Variants in C9 observed in about 807,000 individuals in gnomAD.
C9 encodes the protein complement component C9.
Under a neutral mutation model 65.4 loss-of-function variants are expected in C9, and 63 were observed. The observed-to-expected ratio is 0.96, with a 90% CI of 0.79 to 1.19. The LOEUF (loss-of-function observed/expected upper bound fraction) is 1.19. C9 is among the 50% of genes most tolerant of loss of function. C9 has a pLI of 0.00. For synonymous variants in C9, 229 were observed against 227.9 expected (o/e 1.00, Z -0.04); for missense variants, 744 against 670.1 (o/e 1.11, Z -1.22).
Position 39,315,945 on chromosome 5 carries a change from T to G in C9, c.700A>C (p.Asn234His). The change falls in exon 6 of 11, where the codon AAT becomes CAT. Residue 234 changes from asparagine to histidine, a missense_variant. By Grantham distance (68) the Asn-to-His change is moderately conservative. Transcript: ENST00000263408. Reference sequence around the variant, plus strand: ...TTTAGAGATATAGCTGCATTAAAATTTGATGTCTTCTCTTGGATGATACTT... The same window carrying G: ...TTTAGAGATATAGCTGCATTAAAATGTGATGTCTTCTCTTGGATGATACTT... ...FKSIIQEKTSNFNAAISLKFT... is the reference protein window; with the variant it reads ...FKSIIQEKTSHFNAAISLKFT... 6.2e-7 allele frequency: 1 copy of G among 1,610,566 alleles called. No homozygotes were observed. The highest frequency in any genetic ancestry group is 8.5e-7 in the Non-Finnish European group (1 of 1,177,072).
Position 39,297,310 on chromosome 5 carries a change from C to T in C9, c.1417-8359G>A, listed in dbSNP as rs192830566. 5.6e-3 allele frequency among the ~76,000 whole-genome samples: 852 copies of T among 151,090 alleles called. 1 individual carries two copies. The highest frequency in any genetic ancestry group is 0.014 in the Middle Eastern group (4 of 292). On this transcript the variant is annotated intron_variant, in intron 9 of 10. Coordinates refer to ENST00000263408, the MANE Select transcript of C9 (RefSeq NM_001737.5). The stretch of plus-strand genomic sequence containing the variant: ...ATATGTCAGTTTAAAAAAGAAATGT[C>T]GGAAATGAGCAAAAAGGAGACAAAG...
At chr5:39,347,266 GAA>G (rs1197187119) in intron 1 of C9, among the ~76,000 whole-genome samples, 1 of 152,166 alleles carries the variant, frequency 6.6e-6, no homozygotes, top group Non-Finnish European at 1.5e-5. Context: ...TGTATATTGA[GAA>G]AACTCCCTTG....
intron 1 of C9, among the ~76,000 whole-genome samples, chr5:39,360,338 AG>A (rs1754493546): frequency 6.6e-6 from 1 of 152,114 alleles, no homozygotes; most frequent in Non-Finnish European, 1.5e-5. Context: ...CAGATTAGAC[AG>A]CAGCTACTTG....
intron 6 of C9, among the ~76,000 whole-genome samples, chr5:39,315,280 G>A (rs1753550417): frequency 6.6e-6 from 1 of 151,926 alleles, no homozygotes; most frequent in African/African-American, 2.4e-5. Context: ...TTCAAAATCT[G>A]GTTCAAATAT....
intron 6 of C9, among the ~76,000 whole-genome samples, chr5:39,312,251 A>G (rs1753497564): frequency 6.6e-6 from 1 of 152,218 alleles, no homozygotes; most frequent in Non-Finnish European, 1.5e-5. Context: ...CATAATTATC[A>G]AAACTCATGA....
intron 4 of C9, 132 bp downstream of exon 4, chr5:39,341,014 A>G: frequency 3.8e-6 from 4 of 1,052,122 alleles, no homozygotes; most frequent in Non-Finnish European, 5.9e-6. Flanking sequence ...AGGTAGTTCA[A>G]AAATAATACA....
At chr5:39,321,555 G>A (rs2111909159) in intron 5 of C9, among the ~76,000 whole-genome samples, 1 of 152,006 alleles carries the variant, frequency 6.6e-6, no homozygotes, top group East Asian at 1.9e-4. Context: ...GAAAAAAATG[G>A]CAGTGGTAAG....
chr5:39,362,704 T>C (rs1028625263), intron 1 of C9, among the ~76,000 whole-genome samples: 1 of 152,216 alleles, frequency 6.6e-6, no homozygotes, highest in African/African-American at 2.4e-5. Context: ...GCCTGGGAAG[T>C]CTAGCTTCAG....
At position 39,311,169 on chromosome 5, in the gene C9, T is replaced by C. The variant is rs370429155; in HGVS notation, c.1079A>G (p.Tyr360Cys). 9 of 1,613,298 alleles carry C rather than the reference T, an allele frequency of 5.6e-6. No individual in the cohort carries two copies. Among genetic ancestry groups the C allele is most frequent in the Non-Finnish European group, 7.6e-6 (9 of 1,179,386 alleles). The change falls in exon 7 of 11, where the codon TAT becomes TGT. Residue 360 changes from tyrosine (Y) to cysteine (C), a missense_variant. Coordinates refer to ENST00000263408, the MANE Select transcript of C9 (RefSeq NM_001737.5). ...GSLGGLYELI[Y>C]VLDKASMKRK... ...CTTCATGGAAGCTTTATCCAAAACATATATTAGTTCATAGAGTCCTCCTAG... is the reference window on the plus strand; with the variant it reads ...CTTCATGGAAGCTTTATCCAAAACACATATTAGTTCATAGAGTCCTCCTAG...
At chr5:39,306,852 C>T (rs548092597) in intron 8 of C9, 60 bp from the exon 9 acceptor site, 2 of 1,164,656 alleles carry the variant, frequency 1.7e-6, no homozygotes, top group South Asian at 2.5e-5. Context: ...AGCCAGTTAT[C>T]AAAAGGACAT....
chr5:39,339,248 C>T (rs144824593), intron 4 of C9, among the ~76,000 whole-genome samples: 92 of 152,292 alleles, frequency 6.0e-4, no homozygotes, highest in African/African-American at 2.2e-3. Flanking sequence ...TTTGAGATTC[C>T]CACCTTTAGG....
intron 10 of C9, 78 bp from the exon 11 acceptor site, chr5:39,285,311 C>T: frequency 9.1e-7 from 1 of 1,104,564 alleles, no homozygotes; most frequent in Non-Finnish European, 1.4e-6. Flanking sequence ...TCCGCTTTTT[C>T]ACCTTCTTAT....
intron 6 of C9, among the ~76,000 whole-genome samples, chr5:39,312,945 A>G (rs1377886458): frequency 6.6e-6 from 1 of 152,116 alleles, no homozygotes; most frequent in Non-Finnish European, 1.5e-5. Context: ...TGAGCTCTTC[A>G]TCTCCTGACT....
chr5:39,353,254 C>T (rs2111978230), intron 1 of C9, among the ~76,000 whole-genome samples: 1 of 152,254 alleles, frequency 6.6e-6, no homozygotes, highest in South Asian at 2.1e-4. Context: ...CTAGTGAAAC[C>T]TAATTCAATT....
chr5:39,314,631 G>A (rs1037875047), intron 6 of C9, among the ~76,000 whole-genome samples: 5 of 151,904 alleles, frequency 3.3e-5, no homozygotes, highest in Admixed American at 1.3e-4. Flanking sequence ...TATCACACCA[G>A]GTTTTTCCTA....
At chr5:39,334,380 C>T (rs1352676982) in intron 4 of C9, among the ~76,000 whole-genome samples, 3 of 150,112 alleles carry the variant, frequency 2.0e-5, no homozygotes, top group East Asian at 2.0e-4. Flanking sequence ...GCCTGGCAAC[C>T]GCCCCGTCTG....
At chr5:39,347,984 T>A (rs1754242870) in intron 1 of C9, among the ~76,000 whole-genome samples, 1 of 142,470 alleles carries the variant, frequency 7.0e-6, no homozygotes, top group African/African-American at 2.6e-5. Flanking sequence ...AAGCTGAAAC[T>A]GGATCCCTTC....
At chr5:39,344,075 A>G (rs1252473614) in intron 1 of C9, among the ~76,000 whole-genome samples, 1 of 152,214 alleles carries the variant, frequency 6.6e-6, no homozygotes, top group Non-Finnish European at 1.5e-5. Context: ...GATGGGGGAA[A>G]AACAGAGCAG....
intron 1 of C9, among the ~76,000 whole-genome samples, chr5:39,360,107 T>C (rs1417840602): frequency 6.6e-6 from 1 of 152,226 alleles, no homozygotes; most frequent in Non-Finnish European, 1.5e-5. Flanking sequence ...AATGTTTGGA[T>C]ATTTTTCCAG....
Sources: gnomAD v4.1 joint callset for allele counts (sites outside exome capture counted in the v4.1 genomes callset) on GRCh38, gnomAD v4.1.1 for gene constraint, MANE v1.5 for transcripts, NCBI Gene and HGNC (gene_info 2026-07-23, HGNC 2026-07-21) for gene names.